BAG2: variants seen among roughly 807,000 people sequenced by gnomAD.
The protein encoded by BAG2 is BAG family molecular chaperone regulator 2.
Under a neutral mutation model 16.4 loss-of-function variants are expected in BAG2, and 8 were observed. The observed-to-expected ratio is 0.49, with a 90% CI of 0.29 to 0.88. The LOEUF (loss-of-function observed/expected upper bound fraction) is 0.88, where lower values mean the gene tolerates loss of function less well. Ranked by LOEUF, BAG2 falls within the 40% of genes least tolerant of loss-of-function variation. BAG2 has a pLI of 0.09. For missense variants in BAG2, 218 were observed against 248.9 expected (o/e 0.88, Z 0.84); for synonymous variants, 82 against 89.2 (o/e 0.92, Z 0.46).
rs1449685763 is a variant in BAG2, at chr6:57,188,118, T to C, written c.*3928T>C. 6.6e-6 allele frequency: 1 copy of C among 152,196 alleles called. No individual in the cohort carries two copies. The highest frequency in any genetic ancestry group is 1.5e-5 in the Non-Finnish European group (1 of 68,004). The allele number at this position is 152,196 out of a possible 1,614,324, so 9.4% of individuals were successfully genotyped here. ...ACAAATGCACAATCACCTGGAATCT[T>C]GGAAAAGTTTTTCTTTAGTATACAT... On this transcript the variant is annotated 3_prime_UTR_variant, in exon 3 of 3. Coordinates refer to ENST00000370693, the MANE Select transcript of BAG2 (RefSeq NM_004282.4).
At chr6:57,173,043 G>A (rs896619006) in intron 1 of BAG2, 68 of 741,526 alleles carry the variant, frequency 9.2e-5, no homozygotes, top group Middle Eastern at 4.6e-4. Context: ...CTAAACCTGT[G>A]AGGGCGTTAT....
At chr6:57,173,284 T>C (rs529183441) in intron 1 of BAG2, 1 of 985,656 alleles carries the variant, frequency 1.0e-6, no homozygotes. Flanking sequence ...TAAGTTTCCT[T>C]GCTTCAGAAC....
At chr6:57,181,268 A>G (rs1764432607) in intron 1 of BAG2, among the ~76,000 whole-genome samples, 1 of 152,250 alleles carries the variant, frequency 6.6e-6, no homozygotes, top group South Asian at 2.1e-4. Flanking sequence ...ATGTATTCAT[A>G]GAAGTGTTAT....
chr6:57,172,900 C>T lies in BAG2; in HGVS notation c.113+90C>T, dbSNP rs1764165877. 5.1e-6 allele frequency: 6 copies of T among 1,165,636 alleles called. No individual in the cohort carries two copies. The Admixed American group carries it at 1.1e-4, about 22-fold the overall frequency. The allele number at this position is 1,165,636 out of a possible 1,614,324, so 72.2% of individuals were successfully genotyped here. A position where few individuals can be genotyped will look rare whatever the true frequency, so the allele number is the denominator to read the frequency against. ...CGGACGGAGGCCGCGTGTGGCGGGCCGGGGCCTGGGGCACAGTGAGGCTGC... is the reference window on the plus strand; with the variant it reads ...CGGACGGAGGCCGCGTGTGGCGGGCTGGGGCCTGGGGCACAGTGAGGCTGC... On this transcript the variant is annotated intron_variant, in intron 1 of 2. Coordinates refer to ENST00000370693, the MANE Select transcript of BAG2 (RefSeq NM_004282.4).
Position 57,184,928 on chromosome 6 carries a change from G to A in BAG2, c.*738G>A, listed in dbSNP as rs1764580878. On this transcript the variant is annotated 3_prime_UTR_variant, in exon 3 of 3. Coordinates refer to ENST00000370693, the MANE Select transcript of BAG2 (RefSeq NM_004282.4). ...ATGCTGATATAAAGTCTGCTTAATTGTCAACTTAATGAGCTCTATTTTGTG... is the reference window on the plus strand; with the variant it reads ...ATGCTGATATAAAGTCTGCTTAATTATCAACTTAATGAGCTCTATTTTGTG... The A allele has an allele frequency of 6.6e-6, 1 of 152,070 alleles. No individual in the cohort carries two copies. The highest frequency in any genetic ancestry group is 2.4e-5 in the African/African-American group (1 of 41,342). The allele number at this position is 152,070 out of a possible 1,614,324, so 9.4% of individuals were successfully genotyped here. A position where few individuals can be genotyped will look rare whatever the true frequency, so the allele number is the denominator to read the frequency against.
chr6:57,175,379 T>TA (rs1764250112), intron 1 of BAG2, among the ~76,000 whole-genome samples: 1 of 152,224 alleles, frequency 6.6e-6, no homozygotes, highest in Non-Finnish European at 1.5e-5. Flanking sequence ...ATTACAGTCT[T>TA]ACGTTATAAT....
At chr6:57,177,457 ATGG>A (rs1338378080) in intron 1 of BAG2, among the ~76,000 whole-genome samples, 1 of 152,178 alleles carries the variant, frequency 6.6e-6, no homozygotes, top group East Asian at 1.9e-4. Context: ...CTTTCAAATC[ATGG>A]TATGAGCATT....
intron 2 of BAG2, among the ~76,000 whole-genome samples, chr6:57,182,530 CAA>C (rs758049333): frequency 1.6e-3 from 67 of 41,592 alleles, no homozygotes; most frequent in African/African-American, 4.1e-3. Context: ...AAGTAGAGAC[CAA>C]AAAAAAAAAA....
chr6:57,174,572 GTTCAT>G (rs975574959), intron 1 of BAG2, among the ~76,000 whole-genome samples: 2 of 152,154 alleles, frequency 1.3e-5, no homozygotes, highest in African/African-American at 4.8e-5. Context: ...ATATGTGGCT[GTTCAT>G]TTCAAGGACT....
chr6:57,174,317 A>T, intron 1 of BAG2: 1 of 1,303,868 alleles, frequency 7.7e-7, no homozygotes, highest in Non-Finnish European at 1.0e-6. Flanking sequence ...TCCTAAAGGA[A>T]TGGGGAGGTT....
At chr6:57,181,257 G>A (rs1764432280) in intron 1 of BAG2, among the ~76,000 whole-genome samples, 2 of 152,224 alleles carry the variant, frequency 1.3e-5, no homozygotes, top group Admixed American at 1.3e-4. Context: ...CCAAAGGGGA[G>A]ATGTATTCAT....
At chr6:57,182,258 A>C in intron 2 of BAG2, 117 bp downstream of exon 2, 1 of 704,358 alleles carries the variant, frequency 1.4e-6, no homozygotes, top group Non-Finnish European at 2.3e-6. Context: ...CACAGCATTT[A>C]ATGTGAGCCA....
rs1269720212 is a variant in BAG2, at chr6:57,189,831, A to G, written c.*5641A>G. On this transcript the variant is annotated 3_prime_UTR_variant, in exon 3 of 3. Coordinates refer to ENST00000370693, the MANE Select transcript of BAG2 (RefSeq NM_004282.4). ...ATTTGAAAATAAAAACATATACACA[A>G]TATGTAAATGGTTTTATAAGTGAAT... The G allele has an allele frequency of 6.5e-6, 1 of 153,484 alleles. No individual in the cohort carries two copies. The highest frequency in any genetic ancestry group is 1.5e-5 in the Non-Finnish European group (1 of 68,648). 9.5% of individuals were successfully genotyped at this position (153,484 alleles called of 1,614,324 possible). A position where few individuals can be genotyped will look rare whatever the true frequency, so the allele number is the denominator to read the frequency against.
At chr6:57,181,011 A>G (rs1400089903) in intron 1 of BAG2, among the ~76,000 whole-genome samples, 3 of 152,242 alleles carry the variant, frequency 2.0e-5, no homozygotes, top group Admixed American at 2.0e-4. Flanking sequence ...TTATTAGGAA[A>G]ACACAAGTTA....
At chr6:57,177,840 C>T (rs1339346843) in intron 1 of BAG2, among the ~76,000 whole-genome samples, 1 of 152,162 alleles carries the variant, frequency 6.6e-6, no homozygotes, top group Admixed American at 6.5e-5. Context: ...TTGTACTCCT[C>T]CTAAGTCTCC....
At chr6:57,183,463 T>C (rs896396566) in intron 2 of BAG2, among the ~76,000 whole-genome samples, 13 of 152,206 alleles carry the variant, frequency 8.5e-5, no homozygotes, top group African/African-American at 3.1e-4. Flanking sequence ...ATAAACCCTA[T>C]ATGTGCTTAC....
chr6:57,179,814 T>C (rs577348261), intron 1 of BAG2, among the ~76,000 whole-genome samples: 42 of 152,158 alleles, frequency 2.8e-4, no homozygotes, highest in African/African-American at 9.9e-4. Context: ...GTGTGTGCAA[T>C]TGAGTGAAGT....
At chr6:57,176,085 T>G (rs2127992205) in intron 1 of BAG2, among the ~76,000 whole-genome samples, 1 of 152,304 alleles carries the variant, frequency 6.6e-6, no homozygotes, top group East Asian at 1.9e-4. Context: ...GCCTTCTGTG[T>G]TGTTACAGTG....
chr6:57,172,693 C>CT lies in BAG2; in HGVS notation c.-3dup. On this transcript the variant is annotated 5_prime_UTR_variant, in exon 1 of 3. Transcript: ENST00000370693. ...CCTCTTGGCTACCCCGCGTCGGAGG[C>CT]TTAGATGGCTCAGGCGAAGATCAAC... 6.4e-7 allele frequency: 1 copy of CT among 1,551,644 alleles called. No individual in the cohort carries two copies. The highest frequency in any genetic ancestry group is 2.6e-5 in the East Asian group (1 of 38,714).
Sources: allele counts gnomAD v4.1 joint callset (sites outside exome capture counted in the v4.1 genomes callset), GRCh38; gene constraint gnomAD v4.1.1; transcripts MANE v1.5; gene names NCBI Gene and HGNC (gene_info 2026-07-23, HGNC 2026-07-21).